Variants in CDK5RAP2 observed in about 807,000 individuals in gnomAD.
CDK5RAP2 encodes the protein CDK5 regulatory subunit-associated protein 2.
CDK5RAP2 carries 147 observed loss-of-function variants against 232.9 expected under a neutral mutation model. The ratio of observed to expected loss-of-function variants is 0.63; its 90% CI spans 0.55 to 0.72. The LOEUF (loss-of-function observed/expected upper bound fraction) is 0.72, where lower values mean the gene tolerates loss of function less well. Among genes scored for constraint, CDK5RAP2 ranks in the 30% least tolerant of loss-of-function variants. CDK5RAP2 has a pLI of 0.00. For synonymous variants in CDK5RAP2, 833 were observed against 833.7 expected, an observed-to-expected ratio of 1.00 and a Z score of 0.01; for missense variants, 2,195 against 2,231.5, an observed-to-expected ratio of 0.98 and a Z score of 0.33.
chr9:120,567,531 A>G (rs998995261), intron 3 of CDK5RAP2, among the ~76,000 whole-genome samples: 2 of 152,220 alleles, frequency 1.3e-5, no homozygotes, highest in Non-Finnish European at 2.9e-5. Context: ...AGAGCACTGA[A>G]CAGGTAACTT....
At chr9:120,428,025 G>A (rs2035030975) in intron 25 of CDK5RAP2, among the ~76,000 whole-genome samples, 1 of 152,170 alleles carries the variant, frequency 6.6e-6, no homozygotes, top group South Asian at 2.1e-4. Context: ...ATAACGAAAT[G>A]AAGGCAGAAA....
chr9:120,511,437 A>G (rs2040077766), intron 12 of CDK5RAP2, among the ~76,000 whole-genome samples: 2 of 152,206 alleles, frequency 1.3e-5, no homozygotes, highest in South Asian at 4.1e-4. Flanking sequence ...AAAAGCTTCT[A>G]CTTTCAAGCT....
intron 20 of CDK5RAP2, among the ~76,000 whole-genome samples, chr9:120,454,279 G>A (rs531276629): frequency 1.3e-5 from 2 of 152,266 alleles, no homozygotes; most frequent in East Asian, 3.9e-4. Context: ...CTACATCCAG[G>A]GGCAAGTATG....
intron 20 of CDK5RAP2, among the ~76,000 whole-genome samples, chr9:120,457,734 A>G (rs1203271981): frequency 6.6e-6 from 1 of 152,242 alleles, no homozygotes; most frequent in African/African-American, 2.4e-5. Flanking sequence ...CAGGAGGAGA[A>G]CTAAAAACTG....
rs749612238 is a variant in CDK5RAP2, at chr9:120,471,834, C to T, written c.1772G>A (p.Arg591Gln). Residue 591 changes from arginine (R) to glutamine (Q), a missense_variant, in exon 16 of 38, where the codon CGG (arginine) becomes CAG (glutamine). Transcript: ENST00000349780. ...QAELNKIFAL[R>Q]KQLEQDVLSY... ...AAGCACATCCTGCTCCAGTTGCTTC[C>T]GCAGGGCAAAAATCTTGTTTAACTC... The T allele has an allele frequency of 1.7e-5, 27 of 1,613,706 alleles. No homozygotes were observed. The highest frequency in any genetic ancestry group is 2.2e-5 in the East Asian group (1 of 44,878).
At chr9:120,428,112 T>C (rs1304611620) in intron 25 of CDK5RAP2, among the ~76,000 whole-genome samples, 2 of 152,012 alleles carry the variant, frequency 1.3e-5, no homozygotes, top group Non-Finnish European at 2.9e-5. Context: ...AAGGAGTGTG[T>C]AGAGGGAAAT....
chr9:120,534,199 A>G (rs1409179018), intron 7 of CDK5RAP2, among the ~76,000 whole-genome samples: 1 of 150,774 alleles, frequency 6.6e-6, no homozygotes, highest in African/African-American at 2.4e-5. Context: ...CCCTCTCCTC[A>G]CCTCTTCCCC....
In CDK5RAP2 at chr9:120,552,399, T is replaced by C. The variant is rs145506181; in HGVS notation, c.196-1497A>G. Reference sequence around the variant, plus strand: ...CTATAAAGACACACGCACACGTATGTTCACTGCAGCACTATTCACAATAGC... The same window carrying C: ...CTATAAAGACACACGCACACGTATGCTCACTGCAGCACTATTCACAATAGC... On this transcript the variant is annotated intron_variant, in intron 3 of 37. Coordinates refer to ENST00000349780, the MANE Select transcript of CDK5RAP2 (RefSeq NM_018249.6). Among the ~76,000 whole-genome samples, 389 of 152,250 alleles carry C rather than the reference T, an allele frequency of 2.6e-3. 2 individuals carry two copies. Among genetic ancestry groups the C allele is most frequent in the Non-Finnish European group, 3.7e-3 (255 of 68,020 alleles).
intron 5 of CDK5RAP2, 40 bp from the exon 6 acceptor site, chr9:120,539,204 T>C (rs773592908): frequency 1.9e-6 from 3 of 1,612,756 alleles, no homozygotes; most frequent in Non-Finnish European, 2.5e-6. Context: ...GCAAGGGTGA[T>C]GGTCTGATGG....
chr9:120,484,156 G>A (rs1046785918), intron 14 of CDK5RAP2, among the ~76,000 whole-genome samples: 1 of 152,204 alleles, frequency 6.6e-6, no homozygotes. Context: ...AGTCTATGGA[G>A]ACATGATCAT....
intron 1 of CDK5RAP2, among the ~76,000 whole-genome samples, chr9:120,577,298 T>C (rs1441069385): frequency 6.6e-6 from 1 of 150,436 alleles, no homozygotes; most frequent in East Asian, 1.9e-4. Context: ...GAGGCGGAGG[T>C]TGCAGTGAGC....
intron 32 of CDK5RAP2, among the ~76,000 whole-genome samples, chr9:120,404,801 T>C (rs1175164626): frequency 3.3e-5 from 5 of 152,198 alleles, no homozygotes; most frequent in Non-Finnish European, 5.9e-5. Context: ...TGGGGGGTGA[T>C]GTATTTGCAA....
In CDK5RAP2 at chr9:120,422,726, A is replaced by G; in HGVS notation, c.3971T>C (p.Val1324Ala). 2 of 1,613,042 alleles carry G rather than the reference A, an allele frequency of 1.2e-6. No individual in the cohort carries two copies. Among genetic ancestry groups the G allele is most frequent in the Non-Finnish European group, 1.7e-6 (2 of 1,179,078 alleles). Reference sequence around the variant, plus strand: ...CAGTTCATTCTGGGTGTTCATTTCCACTCCAACTGATTTTCCTGGAAGCAG... The same window carrying G: ...CAGTTCATTCTGGGTGTTCATTTCCGCTCCAACTGATTTTCCTGGAAGCAG... ...KLFLNGKSVG[V>A]EMNTQNELME... The change falls in exon 26 of 38, where the codon GTG becomes GCG. Residue 1324 changes from valine (V) to alanine (A), a missense_variant. Val to Ala is a moderately conservative substitution (Grantham distance 64). Transcript: ENST00000349780.
intron 22 of CDK5RAP2, among the ~76,000 whole-genome samples, chr9:120,446,254 C>A (rs1255160601): frequency 6.6e-6 from 1 of 152,022 alleles, no homozygotes; most frequent in African/African-American, 2.4e-5. Context: ...GGTTTGTCAA[C>A]TCCTACTTTT....
intron 3 of CDK5RAP2, among the ~76,000 whole-genome samples, chr9:120,562,543 G>A (rs2042501121): frequency 6.6e-6 from 1 of 152,078 alleles, no homozygotes; most frequent in Non-Finnish European, 1.5e-5. Context: ...GCCAGCTACA[G>A]ACCTGGTCTT....
rs1292091526 is a variant in CDK5RAP2, at chr9:120,579,913, G to A, written c.59+7C>T. 11 of 1,611,238 alleles carry A rather than the reference G, an allele frequency of 6.8e-6. No individual in the cohort carries two copies. Among genetic ancestry groups the A allele is most frequent in the Non-Finnish European group, 9.3e-6 (11 of 1,177,556 alleles). ...GGTTACCACGACCACCAATGCCCCG[G>A]CCGCACCTGCAGCCGCTGAGCGTCC... On this transcript the variant is annotated splice_region_variant and intron_variant, in intron 1 of 37. Coordinates refer to ENST00000349780, the MANE Select transcript of CDK5RAP2 (RefSeq NM_018249.6).
chr9:120,578,788 C>T (rs2043135554), intron 1 of CDK5RAP2, among the ~76,000 whole-genome samples: 1 of 152,038 alleles, frequency 6.6e-6, no homozygotes, highest in Non-Finnish European at 1.5e-5. Flanking sequence ...GCTGATCTCA[C>T]ACTCCTGAGC....
chr9:120,491,760 A>G (rs1327872080), intron 12 of CDK5RAP2, among the ~76,000 whole-genome samples: 2 of 152,198 alleles, frequency 1.3e-5, no homozygotes, highest in Non-Finnish European at 2.9e-5. Context: ...AGAAATAATT[A>G]TAAAGAGTAC....
chr9:120,514,532 T>C (rs1051725888), intron 12 of CDK5RAP2, among the ~76,000 whole-genome samples: 2 of 152,150 alleles, frequency 1.3e-5, no homozygotes, highest in African/African-American at 4.8e-5. Context: ...GAAGATGTGA[T>C]CCCAGCGTGG....
Sources: gnomAD v4.1 joint callset for allele counts (sites outside exome capture counted in the v4.1 genomes callset) on GRCh38, gnomAD v4.1.1 for gene constraint, MANE v1.5 for transcripts, NCBI Gene and HGNC (gene_info 2026-07-23, HGNC 2026-07-21) for gene names.